Variants in GPHN observed in about 807,000 individuals in gnomAD.
GPHN encodes gephyrin.
In GPHN, 17 loss-of-function variants were observed where a neutral mutation model predicts 95.5. The ratio of observed to expected loss-of-function variants is 0.18; its 90% CI spans 0.12 to 0.27. The LOEUF is 0.27. Ranked by LOEUF, GPHN falls within the 10% of genes least tolerant of loss-of-function variation. GPHN has a pLI of 1.00. For missense variants in GPHN, 660 were observed against 978.1 expected, an observed-to-expected ratio of 0.67 and a Z score of 4.34; for synonymous variants, 320 against 322.5, an observed-to-expected ratio of 0.99 and a Z score of 0.08.
chr14:67,465,661 ATC>A, the GPHN span, among the ~76,000 whole-genome samples: 4 of 152,216 alleles, frequency 2.6e-5, no homozygotes, highest in Non-Finnish European at 5.9e-5. Context: ...TTCAGCAGAA[ATC>A]TGCTTCTCGA....
intron 3 of GPHN, among the ~76,000 whole-genome samples, chr14:66,815,471 G>T (rs559028668): frequency 6.6e-6 from 1 of 152,290 alleles, no homozygotes; most frequent in South Asian, 2.1e-4. Context: ...AGACATCTCA[G>T]TTGAAACCCT....
chr14:67,251,391 G>T, the GPHN span, among the ~76,000 whole-genome samples: 2 of 152,220 alleles, frequency 1.3e-5, no homozygotes, highest in Non-Finnish European at 2.9e-5. Flanking sequence ...AAATTAGCTG[G>T]ACTTGGTGGT....
At chr14:67,623,630 C>G in the GPHN span, among the ~76,000 whole-genome samples, 1 of 151,090 alleles carries the variant, frequency 6.6e-6, no homozygotes, top group African/African-American at 2.4e-5. Flanking sequence ...CAACCTCCGC[C>G]TCCCGGGTTC....
At chr14:66,946,045 T>G (rs577938193) in intron 8 of GPHN, among the ~76,000 whole-genome samples, 2 of 152,248 alleles carry the variant, frequency 1.3e-5, no homozygotes, top group South Asian at 4.1e-4. Context: ...TTAATTTATT[T>G]TATGTTTGGG....
intron 3 of GPHN, among the ~76,000 whole-genome samples, chr14:66,820,605 C>T (rs999897965): frequency 6.6e-6 from 1 of 152,034 alleles, no homozygotes; most frequent in Non-Finnish European, 1.5e-5. Flanking sequence ...GATATGGAGT[C>T]TCTTTTAGTT....
chr14:67,733,811 A>T, the GPHN span: 20 of 1,612,992 alleles, frequency 1.2e-5, no homozygotes, highest in Non-Finnish European at 8.5e-6. Flanking sequence ...CGCCTATGGA[A>T]TGTCAGCTGT....
the GPHN span, chr14:67,350,646 T>C: frequency 1.2e-6 from 2 of 1,613,694 alleles, no homozygotes; most frequent in African/African-American, 1.3e-5. Context: ...CTTCAGCTAG[T>C]GAAAAGGCAG....
chr14:66,834,999 A>C (rs193022725), intron 4 of GPHN, among the ~76,000 whole-genome samples: 5,903 of 145,666 alleles, frequency 0.041, 156 homozygotes, highest in Middle Eastern at 0.067. Flanking sequence ...TGTATGTGTC[A>C]AGGAATTTAT....
the GPHN span, chr14:67,392,768 A>G: frequency 5.6e-6 from 9 of 1,613,964 alleles, no homozygotes; most frequent in African/African-American, 2.7e-5. Context: ...GTTCTCCTCC[A>G]TGAGCATGGA....
At chr14:66,706,229 A>G (rs2069069752) in intron 2 of GPHN, among the ~76,000 whole-genome samples, 1 of 152,214 alleles carries the variant, frequency 6.6e-6, no homozygotes, top group African/African-American at 2.4e-5. Flanking sequence ...GAAAATGGTC[A>G]TACTACCCAA....
At chr14:67,171,427 A>G (rs993567827) in intron 21 of GPHN, among the ~76,000 whole-genome samples, 7 of 152,086 alleles carry the variant, frequency 4.6e-5, no homozygotes, top group Admixed American at 2.6e-4. Flanking sequence ...CAATTCATCA[A>G]ATAGAATTAT....
At chr14:66,585,993 A>G (rs1409545217) in intron 1 of GPHN, among the ~76,000 whole-genome samples, 1 of 152,140 alleles carries the variant, frequency 6.6e-6, no homozygotes, top group Non-Finnish European at 1.5e-5. Flanking sequence ...GTGGGGTGTT[A>G]AAGTCTCCCA....
chr14:67,027,432 G>A (rs2153628825), intron 10 of GPHN, among the ~76,000 whole-genome samples: 1 of 152,206 alleles, frequency 6.6e-6, no homozygotes, highest in South Asian at 2.1e-4. Flanking sequence ...CCAGGTTCAA[G>A]TGATTCTCCT....
At chr14:67,337,193 T>A in the GPHN span, among the ~76,000 whole-genome samples, 1 of 152,326 alleles carries the variant, frequency 6.6e-6, no homozygotes, top group Admixed American at 6.5e-5. Context: ...TGTTAAATGC[T>A]TGCAAAATCA....
At chr14:67,409,964 G>C in the GPHN span, among the ~76,000 whole-genome samples, 2 of 152,142 alleles carry the variant, frequency 1.3e-5, no homozygotes, top group African/African-American at 4.8e-5. Flanking sequence ...CTGCAGGGAG[G>C]GGTGTGACTT....
At chr14:66,751,940 G>A (rs553834109) in intron 2 of GPHN, among the ~76,000 whole-genome samples, 3 of 152,212 alleles carry the variant, frequency 2.0e-5, no homozygotes, top group African/African-American at 4.8e-5. Flanking sequence ...ATATAGAATA[G>A]CCACCTTCAT....
chr14:67,317,347 T>G, the GPHN span: 1 of 1,369,292 alleles, frequency 7.3e-7, no homozygotes, highest in South Asian at 1.3e-5. Flanking sequence ...TTCTTCAATT[T>G]GAGTTATGTG....
intron 9 of GPHN, among the ~76,000 whole-genome samples, chr14:67,009,544 G>A (rs1300874630): frequency 1.3e-5 from 2 of 152,028 alleles, no homozygotes; most frequent in Non-Finnish European, 2.9e-5. Flanking sequence ...TAGCTTCACA[G>A]TTGTTCTATG....
At chr14:66,830,719 C>T (rs772948867) in intron 4 of GPHN, among the ~76,000 whole-genome samples, 6 of 152,082 alleles carry the variant, frequency 3.9e-5, no homozygotes, top group Admixed American at 3.9e-4. Context: ...AGAAACCTGA[C>T]TTAGGAAAAG....
Sources: gnomAD v4.1 joint callset for allele counts (sites outside exome capture counted in the v4.1 genomes callset) on GRCh38, gnomAD v4.1.1 for gene constraint, MANE v1.5 for transcripts, NCBI Gene and HGNC (gene_info 2026-07-23, HGNC 2026-07-21) for gene names.